ACAD11: variants seen among roughly 807,000 people sequenced by gnomAD.
The protein encoded by ACAD11 is acyl-Coenzyme A dehydrogenase family, member 11.
In ACAD11, 83 loss-of-function variants were observed where a neutral mutation model predicts 102.2. That is an observed-to-expected ratio of 0.81 (90% CI 0.68 to 0.97). The LOEUF (loss-of-function observed/expected upper bound fraction) is 0.97, where lower values mean the gene tolerates loss of function less well. Among genes scored for constraint, ACAD11 ranks in the 50% least tolerant of loss-of-function variants. ACAD11 has a pLI of 0.00. For synonymous variants in ACAD11, 324 were observed against 319.8 expected (o/e 1.01, Z -0.14); for missense variants, 901 against 951.7 (o/e 0.95, Z 0.70).
Position 132,626,785 on chromosome 3 carries a change from G to C in ACAD11, c.1103C>G (p.Thr368Ser), listed in dbSNP as rs760669961. ...AGTCTGTACAAACAACTGTCCAGTA[G>C]TATCAATCTGTGGTAGTACAGTACT... Reference protein sequence around the residue: ...TFSTVLPQIDTTGQLFVQTRK... With the variant: ...TFSTVLPQIDSTGQLFVQTRK... Residue 368 changes from threonine (T) to serine (S), a missense_variant, in exon 9 of 20, where the codon ACT (threonine) becomes AGT (serine). Coordinates refer to ENST00000264990, the MANE Select transcript of ACAD11 (RefSeq NM_032169.5). The C allele has an allele frequency of 6.8e-6, 11 of 1,613,648 alleles. No individual in the cohort carries two copies. The Admixed American group carries it at 1.8e-4, about 27-fold the overall frequency.
intron 17 of ACAD11, among the ~76,000 whole-genome samples, chr3:132,563,163 CTCTT>C (rs1187073484): frequency 2.0e-5 from 3 of 152,172 alleles, no homozygotes; most frequent in Non-Finnish European, 4.4e-5. Flanking sequence ...CCTGGACTCT[CTCTT>C]CTGCTCCAAA....
intron 13 of ACAD11, 115 bp from the exon 14 acceptor site, chr3:132,579,673 C>T (rs1240659314): frequency 1.6e-5 from 12 of 737,266 alleles, no homozygotes; most frequent in Non-Finnish European, 2.8e-5. Context: ...ATAGAGAGAA[C>T]ATTCCTGATT....
Position 132,618,093 on chromosome 3 carries a change from G to GT in ACAD11, c.1414+540dup, listed in dbSNP as rs147496032. Among the ~76,000 whole-genome samples, 80 of 151,884 alleles carry GT rather than the reference G, an allele frequency of 5.3e-4. 1 individual carries two copies. The highest frequency in any genetic ancestry group is 1.9e-3 in the African/African-American group (78 of 41,414). On this transcript the variant is annotated intron_variant, in intron 11 of 19. Coordinates refer to ENST00000264990, the MANE Select transcript of ACAD11 (RefSeq NM_032169.5). The stretch of plus-strand genomic sequence containing the variant: ...CACTTTTCATCTTCAAACTTATTAC[G>GT]TAAGTTTGAAGTTTACTTATTATAA...
In ACAD11 at chr3:132,577,031, T is replaced by G. The variant is rs767846790; in HGVS notation, c.1775-16A>C. On this transcript the variant is annotated splice_polypyrimidine_tract_variant and intron_variant, in intron 15 of 19. Coordinates refer to ENST00000264990, the MANE Select transcript of ACAD11 (RefSeq NM_032169.5). Reference sequence around the variant, plus strand: ...TGAAAATTATCTATAAAATAGAAAATAAAATTTAGAGCAAAAGGAGTTGAC... The same window carrying G: ...TGAAAATTATCTATAAAATAGAAAAGAAAATTTAGAGCAAAAGGAGTTGAC... 2.0e-6 allele frequency: 3 copies of G among 1,517,026 alleles called. No individual in the cohort carries two copies. The highest frequency in any genetic ancestry group is 2.7e-6 in the Non-Finnish European group (3 of 1,098,880). 94.0% of individuals were successfully genotyped at this position (1,517,026 alleles called of 1,614,324 possible).
In ACAD11 at chr3:132,559,102, A is replaced by G; in HGVS notation, c.2229-17T>C. The stretch of plus-strand genomic sequence containing the variant: ...ATAGCATACCTGAAAAAGCAAAAGA[A>G]TCAGGGAACACAGGGAGTTATGGAA... On this transcript the variant is annotated splice_polypyrimidine_tract_variant and intron_variant, in intron 19 of 19. Transcript: ENST00000264990. The G allele has an allele frequency of 1.3e-6, 2 of 1,556,348 alleles. No homozygotes were observed. Among genetic ancestry groups the G allele is most frequent in the Non-Finnish European group, 1.8e-6 (2 of 1,127,458 alleles).
At chr3:132,652,651 A>T (rs1940969975) in intron 1 of ACAD11, among the ~76,000 whole-genome samples, 1 of 152,158 alleles carries the variant, frequency 6.6e-6, no homozygotes, top group African/African-American at 2.4e-5. Flanking sequence ...GGTTCCCAAT[A>T]AACAGATCAT....
rs145527669 is a variant in ACAD11, at chr3:132,580,878, ATGAC to A, written c.1622-1324_1622-1321del. ...AAAAGAACCTGCAATATTAAAGAGA[ATGAC>A]TGGCCAAAAATGTAAGAGACACTTA... On this transcript the variant is annotated intron_variant, in intron 13 of 19. Transcript: ENST00000264990. Among the ~76,000 whole-genome samples, 484 of 152,134 alleles carry A rather than the reference ATGAC, an allele frequency of 3.2e-3. 3 individuals carry two copies. Among genetic ancestry groups the A allele is most frequent in the African/African-American group, 0.011 (451 of 41,562 alleles).
At chr3:132,579,144 T>C (rs1340524194) in intron 14 of ACAD11, 2 of 1,140,948 alleles carry the variant, frequency 1.8e-6, no homozygotes, top group African/African-American at 1.6e-5. Context: ...AACTTATATA[T>C]ATAATTAAAC....
intron 12 of ACAD11, among the ~76,000 whole-genome samples, chr3:132,604,509 T>C (rs1207716613): frequency 6.6e-6 from 1 of 152,162 alleles, no homozygotes; most frequent in African/African-American, 2.4e-5. Context: ...CACTTAAAAA[T>C]TATGGACAAG....
chr3:132,604,397 C>A (rs963391472), intron 12 of ACAD11, among the ~76,000 whole-genome samples: 4 of 151,920 alleles, frequency 2.6e-5, no homozygotes, highest in African/African-American at 9.7e-5. Flanking sequence ...TTTCAGACAC[C>A]CACTGGGAGT....
chr3:132,579,604 G>A (rs747393872), intron 13 of ACAD11, 46 bp from the exon 14 acceptor site: 2 of 1,513,916 alleles, frequency 1.3e-6, no homozygotes, highest in Admixed American at 1.7e-5. Flanking sequence ...GAAATTTCTA[G>A]TTTGACATTT....
chr3:132,559,356 G>A (rs115516691), intron 19 of ACAD11, among the ~76,000 whole-genome samples: 1,614 of 152,198 alleles, frequency 0.011, 16 homozygotes, highest in Middle Eastern at 0.031. Context: ...CTAGAACTTA[G>A]AACAGGCAGT....
At chr3:132,559,532 ATATAT>A (rs1936982900) in intron 19 of ACAD11, among the ~76,000 whole-genome samples, 1 of 152,068 alleles carries the variant, frequency 6.6e-6, no homozygotes, top group Non-Finnish European at 1.5e-5. Flanking sequence ...ATCAGGATCT[ATATAT>A]TAGATAGTCA....
chr3:132,644,819 G>A lies in ACAD11; in HGVS notation c.227C>T (p.Ser76Leu). ...TACCTGATGTGCTTTAGGAAGAAGTGAACCTGGTGGTTTTTTCCTGAGCAC... is the reference window on the plus strand; with the variant it reads ...TACCTGATGTGCTTTAGGAAGAAGTAAACCTGGTGGTTTTTTCCTGAGCAC... ...TYVLRKKPPG[S>L]LLPKAHQIDR... is the part of the protein sequence containing the mutation. The change falls in exon 2 of 20, where the codon TCA (serine) becomes TTA (leucine). Residue 76 changes from serine (S) to leucine (L), a missense_variant. Physicochemically the swap from Ser to Leu is moderately radical, Grantham distance 145. Coordinates refer to ENST00000264990, the MANE Select transcript of ACAD11 (RefSeq NM_032169.5). The A allele has an allele frequency of 1.9e-6, 3 of 1,611,036 alleles. No individual in the cohort carries two copies. Among genetic ancestry groups the A allele is most frequent in the Non-Finnish European group, 8.5e-7 (1 of 1,178,482 alleles).
intron 7 of ACAD11, 99 bp from the exon 8 acceptor site, chr3:132,628,545 A>G: frequency 5.0e-6 from 4 of 792,760 alleles, no homozygotes; most frequent in Middle Eastern, 3.3e-4. Flanking sequence ...CATTATACTC[A>G]CAGGGTATGA....
chr3:132,589,030 AT>A (rs1391725885), intron 13 of ACAD11, among the ~76,000 whole-genome samples: 2 of 152,134 alleles, frequency 1.3e-5, no homozygotes, highest in Non-Finnish European at 1.5e-5. Context: ...TTAAAATGCA[AT>A]TAGTGTATTT....
At chr3:132,599,023 T>TA (rs1938446826) in intron 13 of ACAD11, among the ~76,000 whole-genome samples, 1 of 152,162 alleles carries the variant, frequency 6.6e-6, no homozygotes, top group Non-Finnish European at 1.5e-5. Flanking sequence ...GTTAGAAAGA[T>TA]ACTGCTTGGC....
chr3:132,572,428 T>C (rs1937406741), intron 17 of ACAD11, among the ~76,000 whole-genome samples: 1 of 152,328 alleles, frequency 6.6e-6, no homozygotes, highest in East Asian at 1.9e-4. Context: ...TCCATGCTCA[T>C]GGATATGAAG....
At chr3:132,659,485 A>G in intron 1 of ACAD11, 118 bp downstream of exon 1, 1 of 1,438,798 alleles carries the variant, frequency 7.0e-7, no homozygotes, top group Non-Finnish European at 9.4e-7. Context: ...GGGTGCGTCC[A>G]CTGACTGCAG....
Sources: allele counts gnomAD v4.1 joint callset (sites outside exome capture counted in the v4.1 genomes callset), GRCh38; gene constraint gnomAD v4.1.1; transcripts MANE v1.5; gene names NCBI Gene and HGNC (gene_info 2026-07-23, HGNC 2026-07-21).